The following GSE1 variants were observed in gnomAD, a reference collection of about 807,000 sequenced individuals.
GSE1 encodes the protein genetic suppressor element 1.
GSE1 carries 32 observed loss-of-function variants against 112.6 expected under a neutral mutation model. That is an observed-to-expected ratio of 0.28 (90% confidence interval 0.21 to 0.38). The LOEUF is 0.38. Among genes scored for constraint, GSE1 ranks in the 10% least tolerant of loss-of-function variants. The pLI is 1.00. For missense variants in GSE1, 2,348 were observed against 1,699.2 expected (o/e 1.38, Z -6.71); for synonymous variants, 1,115 against 735.6 (o/e 1.52, Z -8.35).
In GSE1 at chr16:85,360,721, C is replaced by T. The variant is rs1303416520; in HGVS notation, c.2464+3078C>T. 2.0e-5 allele frequency among the ~76,000 whole-genome samples: 3 copies of T among 152,036 alleles called. No individual in the cohort carries two copies. In the East Asian group the frequency reaches 5.8e-4, roughly 29 times the overall value. On this transcript the variant is annotated intron_variant, in intron 2 of 2. Transcript: ENST00000637419. ...ATACACGCAAACACACAGACGAAAGCAGGCACTCGGAGACACAGCTCACAG... is the reference window on the plus strand; with the variant it reads ...ATACACGCAAACACACAGACGAAAGTAGGCACTCGGAGACACAGCTCACAG...
intron 1 of GSE1, among the ~76,000 whole-genome samples, chr16:85,231,021 T>C (rs1904279325): frequency 7.0e-6 from 1 of 143,792 alleles, no homozygotes; most frequent in Admixed American, 6.8e-5. Context: ...AGATGGATGA[T>C]GGATGGACAG....
chr16:85,394,858 T>C (rs2047931428), intron 2 of GSE1, among the ~76,000 whole-genome samples: 2 of 152,132 alleles, frequency 1.3e-5, no homozygotes, highest in Admixed American at 1.3e-4. Context: ...GCACACGGTT[T>C]CTGGGCTCAA....
chr16:85,631,915 A>G (rs1451016371), intron 1 of GSE1, among the ~76,000 whole-genome samples: 1 of 152,266 alleles, frequency 6.6e-6, no homozygotes, highest in African/African-American at 2.4e-5. Context: ...CACTGATGGC[A>G]GCCCGGTGCG....
intron 1 of GSE1, among the ~76,000 whole-genome samples, chr16:85,615,933 G>T (rs933030515): frequency 2.6e-5 from 4 of 152,214 alleles, no homozygotes; most frequent in African/African-American, 9.7e-5. Flanking sequence ...GGCGTGGGGC[G>T]GACACCGCGC....
intron 2 of GSE1, among the ~76,000 whole-genome samples, chr16:85,396,943 C>T (rs2047979642): frequency 6.6e-6 from 1 of 152,218 alleles, no homozygotes. Context: ...CAGAGGAAGA[C>T]ACCCAGGCAG....
At chr16:85,671,192 G>A in intron 15 of GSE1, 94 bp downstream of exon 15, 2 of 684,508 alleles carry the variant, frequency 2.9e-6, no homozygotes, top group Middle Eastern at 2.7e-4. Context: ...GAGGAAATGT[G>A]CTCTTAAGAG....
Position 85,663,689 on chromosome 16 carries a change from G to A in GSE1, c.2644+75G>A, listed in dbSNP as rs1335824340. On this transcript the variant is annotated intron_variant, in intron 11 of 15. Coordinates refer to ENST00000253458, the MANE Select transcript of GSE1 (RefSeq NM_014615.5). ...GGTTTCTGAAGCAGCAGGTGGGGCCGGTGGACTCCAGGCAGGATCTGCGAT... is the reference window on the plus strand; with the variant it reads ...GGTTTCTGAAGCAGCAGGTGGGGCCAGTGGACTCCAGGCAGGATCTGCGAT... 4.3e-5 allele frequency: 62 copies of A among 1,431,852 alleles called. 1 individual carries two copies. Among genetic ancestry groups the A allele is most frequent in the East Asian group, 1.8e-4 (8 of 43,876 alleles). The allele number at this position is 1,431,852 out of a possible 1,614,324, so 88.7% of individuals were successfully genotyped here.
intron 1 of GSE1, among the ~76,000 whole-genome samples, chr16:85,603,770 A>C (rs1467320662): frequency 1.3e-5 from 2 of 152,178 alleles, no homozygotes; most frequent in African/African-American, 4.8e-5. Flanking sequence ...GCCTCCCAAA[A>C]TGCTGAGATT....
chr16:85,467,090 C>T (rs984383270), intron 2 of GSE1, among the ~76,000 whole-genome samples: 1 of 152,230 alleles, frequency 6.6e-6, no homozygotes, highest in Non-Finnish European at 1.5e-5. Flanking sequence ...GGAAGTGGGG[C>T]AGGGTAGGCG....
At position 85,672,639 on chromosome 16, in the gene GSE1, A is replaced by G; in HGVS notation, c.*100A>G. On this transcript the variant is annotated 3_prime_UTR_variant, in exon 16 of 16. Coordinates refer to ENST00000253458, the MANE Select transcript of GSE1 (RefSeq NM_014615.5). ...TTTCACTGGGAGGTTTGAAGCTTAC[A>G]AAATGAGAATGTGCCATGCATGAAG... 1 of 851,190 alleles carries G rather than the reference A, an allele frequency of 1.2e-6. No homozygotes were observed. Among genetic ancestry groups the G allele is most frequent in the Non-Finnish European group, 1.7e-6 (1 of 591,128 alleles). The allele number at this position is 851,190 out of a possible 1,614,324, so 52.7% of individuals were successfully genotyped here. A position where few individuals can be genotyped will look rare whatever the true frequency, so the allele number is the denominator to read the frequency against.
intron 2 of GSE1, among the ~76,000 whole-genome samples, chr16:85,524,201 C>A (rs959750949): frequency 3.3e-5 from 5 of 152,136 alleles, no homozygotes; most frequent in African/African-American, 1.2e-4. Flanking sequence ...GGCTGGCAGT[C>A]AGGTGGCCAG....
chr16:85,557,030 A>T (rs1156245923), intron 1 of GSE1, among the ~76,000 whole-genome samples: 3 of 148,922 alleles, frequency 2.0e-5, no homozygotes, highest in Admixed American at 6.6e-5. Flanking sequence ...CCTGGAGGGG[A>T]GGGGAGGGGA....
At chr16:85,334,691 G>C (rs1035435498) in intron 1 of GSE1, among the ~76,000 whole-genome samples, 51 of 152,120 alleles carry the variant, frequency 3.4e-4, no homozygotes, top group Non-Finnish European at 6.0e-4. Flanking sequence ...CCCTAAATGT[G>C]GGGGCTCAAG....
chr16:85,462,893 CCG>C (rs1235523462), intron 2 of GSE1, among the ~76,000 whole-genome samples: 1 of 150,504 alleles, frequency 6.6e-6, no homozygotes, highest in African/African-American at 2.4e-5. Flanking sequence ...GCAGGGCGCA[CCG>C]CGCAGGGACG....
chr16:85,652,821 G>C (rs529317470), intron 3 of GSE1, among the ~76,000 whole-genome samples: 2 of 152,298 alleles, frequency 1.3e-5, no homozygotes, highest in Admixed American at 6.5e-5. Flanking sequence ...TGATCTTGTG[G>C]GGAGACGGCC....
intron 2 of GSE1, among the ~76,000 whole-genome samples, chr16:85,639,793 C>A (rs2050294401): frequency 1.3e-5 from 2 of 152,252 alleles, no homozygotes; most frequent in African/African-American, 4.8e-5. Flanking sequence ...TGCTGCCAGG[C>A]ACCCTCGCAA....
At chr16:85,512,227 C>T (rs375586559) in intron 2 of GSE1, among the ~76,000 whole-genome samples, 14 of 152,184 alleles carry the variant, frequency 9.2e-5, no homozygotes, top group African/African-American at 2.2e-4. Flanking sequence ...GCCCCCTCAA[C>T]GCCAAGCCTG....
intron 2 of GSE1, among the ~76,000 whole-genome samples, chr16:85,637,643 G>A (rs904959057): frequency 6.6e-6 from 1 of 152,242 alleles, no homozygotes; most frequent in African/African-American, 2.4e-5. Flanking sequence ...CTGAGCCTCC[G>A]GCTTGCCCGG....
chr16:85,613,321 C>T (rs2048121757), upstream of GSE1: 24 of 1,551,050 alleles, frequency 1.5e-5, no homozygotes, highest in Non-Finnish European at 2.1e-5. Flanking sequence ...GTGAGATAAG[C>T]AGTTTAGACA....
Sources: allele counts gnomAD v4.1 joint callset (sites outside exome capture counted in the v4.1 genomes callset), GRCh38; gene constraint gnomAD v4.1.1; transcripts MANE v1.5; gene names NCBI Gene and HGNC (gene_info 2026-07-23, HGNC 2026-07-21).